KIF3B: variants seen among roughly 807,000 people sequenced by gnomAD.
The protein encoded by KIF3B is kinesin-like protein KIF3B.
Under a neutral mutation model 74.3 loss-of-function variants are expected in KIF3B, and 38 were observed. The observed-to-expected ratio is 0.51, with a 90% CI of 0.39 to 0.67. The LOEUF (loss-of-function observed/expected upper bound fraction) is 0.67. Ranked by LOEUF, KIF3B falls within the 30% of genes least tolerant of loss-of-function variation. The probability of loss-of-function intolerance (pLI) is 0.00; values close to 1 mark genes in which losing one functional copy is unlikely to be tolerated. For synonymous variants in KIF3B, 326 were observed against 342.5 expected (o/e 0.95, Z 0.53); for missense variants, 649 against 932.0 (o/e 0.70, Z 3.95).
chr20:32,317,343 G>A (rs1324836369), intron 5 of KIF3B, among the ~76,000 whole-genome samples: 1 of 152,190 alleles, frequency 6.6e-6, no homozygotes, highest in East Asian at 1.9e-4. Context: ...GATCCCATCT[G>A]TTAACTGAAT....
rs376074399 is a variant in KIF3B at position 32,316,661 on chromosome 20, A to G, written c.1629+12A>G. The G allele has an allele frequency of 5.9e-5, 96 of 1,614,130 alleles. No homozygotes were observed. The African/African-American group carries it at 1.1e-3, about 18-fold the overall frequency. Reference sequence around the variant, plus strand: ...AAAAACTCAAAAAGGTATGAAAGGAATGAGGCCAGATGGAGTTGCCTTGAG... The same window carrying G: ...AAAAACTCAAAAAGGTATGAAAGGAGTGAGGCCAGATGGAGTTGCCTTGAG... On this transcript the variant is annotated intron_variant, in intron 4 of 8. Coordinates refer to ENST00000375712, the MANE Select transcript of KIF3B (RefSeq NM_004798.4).
intron 1 of KIF3B, among the ~76,000 whole-genome samples, chr20:32,300,709 C>A (rs1245008735): frequency 6.6e-6 from 1 of 152,190 alleles, no homozygotes; most frequent in African/African-American, 2.4e-5. Context: ...CCACTGCATC[C>A]AGCCTGTTTC....
chr20:32,293,105 T>C (rs1349751678), intron 1 of KIF3B, among the ~76,000 whole-genome samples: 1 of 151,600 alleles, frequency 6.6e-6, no homozygotes, highest in Non-Finnish European at 1.5e-5. Context: ...AAATAAAAAA[T>C]TAGTTGGATG....
Position 32,326,871 on chromosome 20 carries a change from A to G in KIF3B, c.1849A>G (p.Ile617Val). The stretch of plus-strand genomic sequence containing the variant: ...GGAAGATCATTGGAAACTACATCCT[A>G]TAACCAGACTGGAGTAAGTCACTAT... The part of the protein sequence containing the change: ...EEEDHWKLHP[I>V]TRLENQQMMK... Residue 617 changes from isoleucine to valine, a missense_variant, in exon 6 of 9, where the codon ATA becomes GTA. Ile to Val is a conservative substitution (Grantham distance 29, BLOSUM62 3). Around this residue, in one of 4 missense-constraint regions of KIF3B, gnomAD observed 186 missense variants for 198.5 expected, o/e 0.94. Transcript: ENST00000375712. The G allele has an allele frequency of 2.7e-6, 4 of 1,506,144 alleles. No homozygotes were observed. The highest frequency in any genetic ancestry group is 2.8e-6 in the Non-Finnish European group (3 of 1,088,702). The allele number at this position is 1,506,144 out of a possible 1,614,324, so 93.3% of individuals were successfully genotyped here. A position where few individuals can be genotyped will look rare whatever the true frequency, so the allele number is the denominator to read the frequency against.
intron 5 of KIF3B, among the ~76,000 whole-genome samples, chr20:32,318,099 C>G (rs1183133488): frequency 6.6e-6 from 1 of 152,076 alleles, no homozygotes; most frequent in Non-Finnish European, 1.5e-5. Context: ...GCCAGGAGTT[C>G]AAGACCAGCC....
At chr20:32,279,736 T>C (rs904324449) in intron 1 of KIF3B, among the ~76,000 whole-genome samples, 5 of 152,238 alleles carry the variant, frequency 3.3e-5, no homozygotes, top group African/African-American at 9.6e-5. Context: ...AGGACTGGGA[T>C]TACAGGCATG....
Position 32,311,036 on chromosome 20 carries a change from A to G in KIF3B, c.1259A>G (p.Lys420Arg). Residue 420 changes from lysine to arginine, a missense_variant, in exon 2 of 9, where the codon AAA (lysine) becomes AGA (arginine). By Grantham distance (26) the Lys-to-Arg change is conservative. Around this residue, in one of 4 missense-constraint regions of KIF3B, gnomAD observed 363 missense variants for 592.8 expected, o/e 0.61. Coordinates refer to ENST00000375712, the MANE Select transcript of KIF3B (RefSeq NM_004798.4). ...KDDYWREQQE[K>R]LEIEKRAIVE... ...GATTACTGGCGGGAACAGCAAGAAAAACTGGAGATTGAGAAGCGGGCCATT... is the reference window on the plus strand; with the variant it reads ...GATTACTGGCGGGAACAGCAAGAAAGACTGGAGATTGAGAAGCGGGCCATT... The G allele has an allele frequency of 6.2e-7, 1 of 1,613,682 alleles. No individual in the cohort carries two copies. The highest frequency in any genetic ancestry group is 8.5e-7 in the Non-Finnish European group (1 of 1,179,858).
intron 1 of KIF3B, among the ~76,000 whole-genome samples, chr20:32,294,018 C>T (rs941219692): frequency 2.6e-5 from 4 of 152,120 alleles, no homozygotes; most frequent in Non-Finnish European, 5.9e-5. Flanking sequence ...AGGCTAATGC[C>T]TGCCTTCCTC....
chr20:32,316,276 A>G lies in KIF3B; in HGVS notation c.1463A>G (p.Gln488Arg). ...GKNIVDHTNE[Q>R]QKILEQKRQE... is the part of the protein sequence containing the mutation. ...AATATAGTAGATCATACGAATGAAC[A>G]GCAGAAAATCCTGGAGCAGAAACGA... Residue 488 changes from glutamine (Q) to arginine (R), a missense_variant, in exon 3 of 9, where the codon CAG becomes CGG. By Grantham distance (43) the Gln-to-Arg change is conservative. Around this residue, in one of 4 missense-constraint regions of KIF3B, gnomAD observed 363 missense variants for 592.8 expected, o/e 0.61. Coordinates refer to ENST00000375712, the MANE Select transcript of KIF3B (RefSeq NM_004798.4). 1 of 1,613,946 alleles carries G rather than the reference A, an allele frequency of 6.2e-7. No homozygotes were observed.
chr20:32,323,966 G>A (rs755746889), intron 5 of KIF3B, among the ~76,000 whole-genome samples: 13 of 151,996 alleles, frequency 8.6e-5, no homozygotes, highest in African/African-American at 2.4e-4. Context: ...CATTGTAGGC[G>A]GGAGTGGTGG....
intron 1 of KIF3B, among the ~76,000 whole-genome samples, chr20:32,303,410 C>A (rs1297469516): frequency 1.3e-5 from 2 of 151,410 alleles, no homozygotes; most frequent in African/African-American, 2.4e-5. Flanking sequence ...ACTAAAAATG[C>A]AAAAATTAGC....
At chr20:32,287,759 C>T (rs1467122233) in intron 1 of KIF3B, among the ~76,000 whole-genome samples, 1 of 151,890 alleles carries the variant, frequency 6.6e-6, no homozygotes, top group Non-Finnish European at 1.5e-5. Context: ...ATCTCCTTCT[C>T]TCTCAGCCTC....
At chr20:32,282,117 T>C (rs2047646040) in intron 1 of KIF3B, among the ~76,000 whole-genome samples, 1 of 152,138 alleles carries the variant, frequency 6.6e-6, no homozygotes, top group South Asian at 2.1e-4. Context: ...CTGGCCTCTT[T>C]GTGGCAGTGA....
intron 5 of KIF3B, among the ~76,000 whole-genome samples, chr20:32,320,131 G>A (rs953165275): frequency 1.1e-4 from 16 of 152,110 alleles, no homozygotes; most frequent in Non-Finnish European, 5.9e-5. Context: ...CTGACCTCAG[G>A]TGATCCACCC....
intron 5 of KIF3B, among the ~76,000 whole-genome samples, chr20:32,318,615 A>G (rs915377452): frequency 1.3e-5 from 2 of 152,228 alleles, no homozygotes; most frequent in African/African-American, 4.8e-5. Context: ...AGGATCGTCC[A>G]TGCCGTAGCA....
At chr20:32,316,675 A>G (rs2047829216) in intron 4 of KIF3B, 26 bp downstream of exon 4, 2 of 1,614,078 alleles carry the variant, frequency 1.2e-6, no homozygotes, top group Admixed American at 1.7e-5. Flanking sequence ...GGCCAGATGG[A>G]GTTGCCTTGA....
rs1322030918 is a variant in KIF3B, at chr20:32,332,270, A to G, written c.*951A>G. ...CTCTGATGGGACTGGAGTTGAGGGA[A>G]GGAGCTGTATTGTGGCACTTCTGAA... On this transcript the variant is annotated 3_prime_UTR_variant, in exon 9 of 9. Coordinates refer to ENST00000375712, the MANE Select transcript of KIF3B (RefSeq NM_004798.4). 6.5e-6 allele frequency: 1 copy of G among 152,714 alleles called. No individual in the cohort carries two copies. Among genetic ancestry groups the G allele is most frequent in the Non-Finnish European group, 1.5e-5 (1 of 68,148 alleles). 9.5% of individuals were successfully genotyped at this position (152,714 alleles called of 1,614,324 possible). A position where few individuals can be genotyped will look rare whatever the true frequency, so the allele number is the denominator to read the frequency against.
At chr20:32,316,004 CTG>C (rs796285155) in intron 2 of KIF3B, among the ~76,000 whole-genome samples, 1 of 152,042 alleles carries the variant, frequency 6.6e-6, no homozygotes, top group Admixed American at 6.6e-5. Context: ...TCTGAAGAAA[CTG>C]TATCTTCAGT....
In KIF3B at chr20:32,330,129, G is replaced by A. The variant is rs2047923149; in HGVS notation, c.1969-12G>A. On this transcript the variant is annotated splice_polypyrimidine_tract_variant and intron_variant, in intron 7 of 8. Transcript: ENST00000375712. ...GAGGCTAACCTAGCTGGTGATGGCTGTGCTTCTGCAGGCAGAAAACATTGT... is the reference window on the plus strand; with the variant it reads ...GAGGCTAACCTAGCTGGTGATGGCTATGCTTCTGCAGGCAGAAAACATTGT... The A allele has an allele frequency of 6.2e-7, 1 of 1,608,864 alleles. No individual in the cohort carries two copies. Among genetic ancestry groups the A allele is most frequent in the South Asian group, 1.1e-5 (1 of 90,592 alleles).
Sources: gnomAD v4.1 joint callset for allele counts (sites outside exome capture counted in the v4.1 genomes callset) on GRCh38, gnomAD v4.1.1 for gene constraint, gnomAD v4.1.1 regional missense constraint, MANE v1.5 for transcripts, NCBI Gene and HGNC (gene_info 2026-07-23, HGNC 2026-07-21) for gene names.